Variants in CADPS2 observed in about 807,000 individuals in gnomAD.
CADPS2 encodes calcium dependent secretion activator 2, also known as calcium-dependent secretion activator 2.
Under a neutral mutation model 172.5 loss-of-function variants are expected in CADPS2, and 93 were observed. That is an observed-to-expected ratio of 0.54 (90% CI 0.46 to 0.64). The LOEUF (loss-of-function observed/expected upper bound fraction) is 0.64. Among genes scored for constraint, CADPS2 ranks in the 30% least tolerant of loss-of-function variants. The pLI is 0.00. For missense variants in CADPS2, 1,420 were observed against 1,565.9 expected (o/e 0.91, Z 1.57); for synonymous variants, 546 against 555.2 (o/e 0.98, Z 0.23).
intron 8 of CADPS2, among the ~76,000 whole-genome samples, chr7:122,549,908 C>G (rs1483593076): frequency 1.3e-5 from 2 of 152,130 alleles, no homozygotes; most frequent in Non-Finnish European, 2.9e-5. Flanking sequence ...AAAGCCTGGA[C>G]TCTTTGAGCA....
chr7:122,535,627 A>C (rs1000108982), intron 8 of CADPS2, among the ~76,000 whole-genome samples: 2 of 152,104 alleles, frequency 1.3e-5, no homozygotes, highest in Non-Finnish European at 2.9e-5. Context: ...TATTGACCAC[A>C]CATTCCTGTA....
intron 2 of CADPS2, among the ~76,000 whole-genome samples, chr7:122,672,676 C>T (rs1431727893): frequency 6.6e-6 from 1 of 152,218 alleles, no homozygotes; most frequent in Non-Finnish European, 1.5e-5. Flanking sequence ...TCCACCCCAG[C>T]CTGGGTGCAC....
intron 8 of CADPS2, among the ~76,000 whole-genome samples, chr7:122,525,696 C>T (rs906423321): frequency 3.3e-5 from 5 of 152,110 alleles, no homozygotes; most frequent in African/African-American, 9.7e-5. Flanking sequence ...CTTACGTAAA[C>T]CCAGATGGTA....
intron 8 of CADPS2, among the ~76,000 whole-genome samples, chr7:122,542,834 TTTCTA>T (rs1385149076): frequency 6.6e-6 from 1 of 152,082 alleles, no homozygotes; most frequent in African/African-American, 2.4e-5. Context: ...AGTTAAGCCC[TTTCTA>T]TTCTTAAATG....
chr7:122,809,535 G>A (rs1003384622), intron 1 of CADPS2, among the ~76,000 whole-genome samples: 10 of 150,534 alleles, frequency 6.6e-5, no homozygotes, highest in Non-Finnish European at 1.0e-4. Flanking sequence ...CGCTGAGATC[G>A]TGCCATTGCA....
At chr7:122,585,706 G>A (rs1301721633) in intron 6 of CADPS2, 1 of 151,872 alleles carries the variant, frequency 6.6e-6, no homozygotes, top group Non-Finnish European at 1.5e-5. Context: ...TTATTTATGA[G>A]GATTCAGAAT....
intron 7 of CADPS2, among the ~76,000 whole-genome samples, chr7:122,563,716 TAAACAATATCTAG>T (rs2066045976): frequency 6.6e-6 from 1 of 152,158 alleles, no homozygotes; most frequent in African/African-American, 2.4e-5. Context: ...GAGGGAGGTA[TAAACAATATCTAG>T]ACTTGGACAA....
At chr7:122,827,251 C>T (rs543356400) in intron 1 of CADPS2, among the ~76,000 whole-genome samples, 5 of 152,100 alleles carry the variant, frequency 3.3e-5, no homozygotes, top group Admixed American at 1.3e-4. Flanking sequence ...TTTCAATAGC[C>T]CTCTCACTAC....
chr7:122,588,290 T>C (rs1381303298), intron 6 of CADPS2, among the ~76,000 whole-genome samples: 1 of 151,278 alleles, frequency 6.6e-6, no homozygotes, highest in African/African-American at 2.4e-5. Flanking sequence ...TTTGCCTAAA[T>C]GGTATTGCCT....
intron 6 of CADPS2, among the ~76,000 whole-genome samples, chr7:122,596,166 T>A (rs2071743253): frequency 6.6e-6 from 1 of 152,072 alleles, no homozygotes; most frequent in African/African-American, 2.4e-5. Context: ...ATGGCCACAG[T>A]AACAACTAAA....
chr7:122,579,450 A>AATATATAT lies in CADPS2; in HGVS notation c.1335+1721_1335+1728dup, dbSNP rs3034498. 2.8e-3 allele frequency among the ~76,000 whole-genome samples: 360 copies of AATATATAT among 128,646 alleles called. 5 individuals are homozygous for AATATATAT. The highest frequency in any genetic ancestry group is 0.021 in the South Asian group (81 of 3,822). 84.4% of individuals were successfully genotyped at this position (128,646 alleles called of 152,430 possible). A position where few individuals can be genotyped will look rare whatever the true frequency, so the allele number is the denominator to read the frequency against. On this transcript the variant is annotated intron_variant, in intron 7 of 29. Transcript: ENST00000449022. ...GTTTCTCAGATATAAAATTGCATCG[A>AATATATAT]ATATATATATATATATATATATATA...
chr7:122,732,891 T>C (rs1014518992), intron 2 of CADPS2, among the ~76,000 whole-genome samples: 1 of 145,818 alleles, frequency 6.9e-6, no homozygotes, highest in Non-Finnish European at 1.5e-5. Context: ...ATGTATAATA[T>C]ATATTATATA....
chr7:122,615,168 T>G lies in CADPS2; in HGVS notation c.1223+13A>C, dbSNP rs1012467448. ...AAACAACAACAATAATACACTTTTT[T>G]CAACTGGCTTACTGTGGCCTTGAGG... On this transcript the variant is annotated intron_variant, in intron 6 of 29. Transcript: ENST00000449022. 1 of 1,461,700 alleles carries G rather than the reference T, an allele frequency of 6.8e-7. No individual in the cohort carries two copies. Among genetic ancestry groups the G allele is most frequent in the African/African-American group, 1.4e-5 (1 of 70,730 alleles). 90.5% of individuals were successfully genotyped at this position (1,461,700 alleles called of 1,614,324 possible). A position where few individuals can be genotyped will look rare whatever the true frequency, so the allele number is the denominator to read the frequency against.
At position 122,411,947 on chromosome 7, in the gene CADPS2, T is replaced by C. The variant is rs17366412; in HGVS notation, c.2589+2121A>G. Among the ~76,000 whole-genome samples, 1,088 of 152,330 alleles carry C rather than the reference T, an allele frequency of 7.1e-3. 9 individuals are homozygous for C. Among genetic ancestry groups the C allele is most frequent in the Non-Finnish European group, 0.011 (728 of 68,034 alleles). On this transcript the variant is annotated intron_variant, in intron 19 of 29. Coordinates refer to ENST00000449022, the MANE Select transcript of CADPS2 (RefSeq NM_017954.11). ...ACCAAGTGAGATGATGAGCTGAAAA[T>C]GCTCCAAAACATGAGAATGTAAAGT... is the stretch of plus-strand genomic sequence containing the variant.
chr7:122,637,528 T>C (rs1420369062), intron 3 of CADPS2, among the ~76,000 whole-genome samples: 1 of 152,206 alleles, frequency 6.6e-6, no homozygotes, highest in Non-Finnish European at 1.5e-5. Context: ...ATTTCTTCTT[T>C]AAAATAGCTA....
intron 2 of CADPS2, 41 bp from the exon 3 acceptor site, chr7:122,663,610 C>T (rs373109021): frequency 5.5e-6 from 8 of 1,467,010 alleles, no homozygotes; most frequent in Non-Finnish European, 6.4e-6. Context: ...AAAACAATTA[C>T]AATTAGGTGT....
chr7:122,741,992 T>C (rs1330476629), intron 1 of CADPS2, among the ~76,000 whole-genome samples: 1 of 152,150 alleles, frequency 6.6e-6, no homozygotes, highest in African/African-American at 2.4e-5. Flanking sequence ...CAGTTTGCCA[T>C]AAAATCACCA....
At position 122,629,268 on chromosome 7, in the gene CADPS2, A is replaced by G. The variant is rs369994717; in HGVS notation, c.847T>C (p.Leu283=). The G allele has an allele frequency of 3.1e-6, 5 of 1,609,922 alleles. No homozygotes were observed. The Admixed American group carries it at 5.0e-5, about 16-fold the overall frequency. Residue 283 remains leucine, a synonymous_variant, in exon 4 of 30, where the codon TTG becomes CTG. Coordinates refer to ENST00000449022, the MANE Select transcript of CADPS2 (RefSeq NM_017954.11). The part of the protein sequence containing the change: ...IRRELDGRLQ[L]ADKMAKERKF... The stretch of plus-strand genomic sequence containing the variant: ...TTTACCTTTGCCATTTTATCTGCCA[A>G]TTGCAGCCGGCCATCAAGTTCCCTT...
intron 29 of CADPS2, among the ~76,000 whole-genome samples, chr7:122,320,602 A>T (rs990011627): frequency 1.3e-5 from 2 of 152,240 alleles, no homozygotes; most frequent in African/African-American, 4.8e-5. Flanking sequence ...TCAGAACATT[A>T]CTAATTGCAC....
Sources: allele counts gnomAD v4.1 joint callset (sites outside exome capture counted in the v4.1 genomes callset), GRCh38; gene constraint gnomAD v4.1.1; transcripts MANE v1.5; gene names NCBI Gene and HGNC (gene_info 2026-07-23, HGNC 2026-07-21).